The following MXRA8 variants were observed in gnomAD, a reference collection of about 807,000 sequenced individuals.
The protein encoded by MXRA8 is matrix remodeling associated 8.
Under a neutral mutation model 51.4 loss-of-function variants are expected in MXRA8, and 44 were observed. The ratio of observed to expected loss-of-function variants is 0.86; its 90% confidence interval spans 0.67 to 1.10. MXRA8 has a LOEUF of 1.10. Among genes scored for constraint, MXRA8 ranks in the 50% least tolerant of loss-of-function variants. The probability of loss-of-function intolerance (pLI) is 0.00; values close to 1 mark genes in which losing one functional copy is unlikely to be tolerated. For synonymous variants in MXRA8, 369 were observed against 293.5 expected, an observed-to-expected ratio of 1.26 and a Z score of -2.63; for missense variants, 765 against 638.9, an observed-to-expected ratio of 1.20 and a Z score of -2.13.
At chr1:1,360,804 G>T (rs1180959735), upstream of MXRA8, among the ~76,000 whole-genome samples, 2 of 152,130 alleles carry the variant, frequency 1.3e-5, no homozygotes, top group Admixed American at 6.5e-5. Context: ...CAGGCACTCA[G>T]AGCCACAAGC....
At chr1:1,357,583 G>A (rs1644157815) in intron 1 of MXRA8, among the ~76,000 whole-genome samples, 2 of 152,196 alleles carry the variant, frequency 1.3e-5, no homozygotes, top group Admixed American at 6.5e-5. Flanking sequence ...AAGGCAGGTG[G>A]ATCACCTGAG....
chr1:1,355,184 G>T, intron 4 of MXRA8, 32 bp from the exon 5 acceptor site: 2 of 1,402,772 alleles, frequency 1.4e-6, no homozygotes, highest in Non-Finnish European at 1.8e-6. Context: ...CGGCGCGCGG[G>T]CCGGGGCGGC....
At chr1:1,361,171 G>A (rs529059160), upstream of MXRA8, 10 of 701,326 alleles carry the variant, frequency 1.4e-5, no homozygotes, top group African/African-American at 1.1e-4. Flanking sequence ...CAAACACACA[G>A]ACACAGGTCC....
At chr1:1,359,425 T>C (rs1644191986), upstream of MXRA8, 1 of 985,186 alleles carries the variant, frequency 1.0e-6, no homozygotes, top group Non-Finnish European at 1.2e-6. Flanking sequence ...CAAACCCAAC[T>C]CCTTCTAATC....
chr1:1,358,571 C>T (rs1416602113), upstream of MXRA8: 10 of 1,560,898 alleles, frequency 6.4e-6, no homozygotes, highest in East Asian at 2.3e-5. Context: ...AACAGCCCTA[C>T]CCCCTCCCCC....
rs748794722 is a variant in MXRA8, at chr1:1,354,029, C to T, written c.1222+1G>A. On this transcript the variant is annotated splice_donor_variant, in intron 8 of 9. Transcript: ENST00000309212. LOFTEE classifies it high-confidence loss of function. ...GCCCTCGTGTCCCAGCACTGCCTCA[C>T]CTAGCTGGATGTCCTCACTCCTGTA... The T allele has an allele frequency of 1.9e-6, 3 of 1,612,888 alleles. No individual in the cohort carries two copies. The highest frequency in any genetic ancestry group is 1.7e-5 in the Admixed American group (1 of 60,012).
chr1:1,354,612 C>T (rs1644079492), intron 5 of MXRA8, 70 bp downstream of exon 5: 2 of 1,546,422 alleles, frequency 1.3e-6, no homozygotes, highest in African/African-American at 1.4e-5. Flanking sequence ...GGGCAAGGGA[C>T]AGCGGGCGCA....
At chr1:1,356,329 A>G (rs1402504796) in intron 2 of MXRA8, among the ~76,000 whole-genome samples, 2 of 57,804 alleles carry the variant, frequency 3.5e-5, no homozygotes, top group Non-Finnish European at 6.7e-5. Flanking sequence ...GTGGGCCCCG[A>G]GGGCCCTGGT....
upstream of MXRA8, chr1:1,359,089 CGGT>C (rs1352408553): frequency 1.0e-6 from 1 of 985,466 alleles, no homozygotes; most frequent in African/African-American, 1.7e-5. Flanking sequence ...CTGGGGGCCA[CGGT>C]GGGCTCCCTT....
Position 1,352,878 on chromosome 1 carries a change from T to G in MXRA8, c.*726A>C. On this transcript the variant is annotated 3_prime_UTR_variant, in exon 10 of 10. Transcript: ENST00000309212. ...GCCCAGGCAGAGTCCAAGGGAGGGG[T>G]GTCAGGGTCAGAAGTCACAGGGAGC... is the stretch of plus-strand genomic sequence containing the variant. 3.6e-6 allele frequency: 1 copy of G among 275,626 alleles called. No homozygotes were observed. The highest frequency in any genetic ancestry group is 7.0e-6 in the Non-Finnish European group (1 of 143,662). The allele number at this position is 275,626 out of a possible 1,614,324, so 17.1% of individuals were successfully genotyped here.
upstream of MXRA8, chr1:1,359,275 C>T (rs771882807): frequency 7.0e-5 from 69 of 985,300 alleles, no homozygotes; most frequent in Non-Finnish European, 8.1e-5. Flanking sequence ...CCTGGTGTCC[C>T]TGAAACCAGG....
chr1:1,358,584 C>G (rs749838766), upstream of MXRA8: 19 of 1,537,436 alleles, frequency 1.2e-5, no homozygotes, highest in Admixed American at 4.0e-5. Context: ...CCTCCCCCTC[C>G]TTAGCACCCG....
At chr1:1,358,933 C>T (rs1304075521), upstream of MXRA8, 2 of 998,606 alleles carry the variant, frequency 2.0e-6, no homozygotes, top group Non-Finnish European at 2.4e-6. Flanking sequence ...GGGCAGGGTC[C>T]TCCCCTCAGT....
chr1:1,356,658 CAGCTGG>C lies in MXRA8; in HGVS notation c.73+17_73+22del. On this transcript the variant is annotated intron_variant, in intron 2 of 9. Coordinates refer to ENST00000309212, the MANE Select transcript of MXRA8 (RefSeq NM_032348.4). ...GGGGCTGAGGGGGAGTGGGGGTGGG[CAGCTGG>C]GGCTGGGGTCACTAACCTGAGTGCA... 1 of 1,284,144 alleles carries C rather than the reference CAGCTGG, an allele frequency of 7.8e-7. No individual in the cohort carries two copies. The highest frequency in any genetic ancestry group is 9.9e-7 in the Non-Finnish European group (1 of 1,005,928). 79.5% of individuals were successfully genotyped at this position (1,284,144 alleles called of 1,614,324 possible).
At chr1:1,362,361 C>T (rs937564442), upstream of MXRA8, among the ~76,000 whole-genome samples, 8 of 152,204 alleles carry the variant, frequency 5.3e-5, no homozygotes, top group African/African-American at 1.2e-4. Context: ...TGCCTCCTCT[C>T]GAGTAGTATC....
At position 1,354,935 on chromosome 1, in the gene MXRA8, G is replaced by A. The variant is rs1331103131; in HGVS notation, c.696C>T (p.Arg232=). 1.2e-6 allele frequency: 2 copies of A among 1,603,872 alleles called. No homozygotes were observed. Among genetic ancestry groups the A allele is most frequent in the East Asian group, 2.2e-5 (1 of 44,512 alleles). ...CGCGCAGAAAAAGGGGCCCGTAGGCGCGGCGCTCGCCCGACGCGTAGAGGT... is the reference window on the plus strand; with the variant it reads ...CGCGCAGAAAAAGGGGCCCGTAGGCACGGCGCTCGCCCGACGCGTAGAGGT... ...LLDLYASGER[R]AYGPLFLRDR... The change falls in exon 5 of 10, where the codon CGC becomes CGT. Residue 232 remains arginine (R), a synonymous_variant. Transcript: ENST00000309212.
chr1:1,362,342 C>T (rs145442127), upstream of MXRA8, among the ~76,000 whole-genome samples: 135 of 152,348 alleles, frequency 8.9e-4, no homozygotes, highest in African/African-American at 2.9e-3. Context: ...AAACATTTCA[C>T]AAATCATCTG....
In MXRA8 at chr1:1,353,057, G is replaced by C; in HGVS notation, c.*547C>G. On this transcript the variant is annotated 3_prime_UTR_variant, in exon 10 of 10. Transcript: ENST00000309212. ...CCCTGGGGAGAACAGATGGTGCCTG[G>C]AGTCCCACATGGTGGTACAGGTGGG... The C allele has an allele frequency of 1.7e-6, 1 of 599,210 alleles. No homozygotes were observed. The highest frequency in any genetic ancestry group is 2.0e-5 in the South Asian group (1 of 49,458). The allele number at this position is 599,210 out of a possible 1,614,324, so 37.1% of individuals were successfully genotyped here. A position where few individuals can be genotyped will look rare whatever the true frequency, so the allele number is the denominator to read the frequency against.
At chr1:1,359,401 C>T, upstream of MXRA8, 1 of 985,454 alleles carries the variant, frequency 1.0e-6, no homozygotes, top group South Asian at 4.7e-5. Flanking sequence ...GAAATAACAG[C>T]CTGCACTGTG....
Sources: gnomAD v4.1 joint callset for allele counts (sites outside exome capture counted in the v4.1 genomes callset) on GRCh38, gnomAD v4.1.1 for gene constraint, MANE v1.5 for transcripts, NCBI Gene and HGNC (gene_info 2026-07-23, HGNC 2026-07-21) for gene names.